The following ADAMTS6 variants were observed in gnomAD, a reference collection of about 807,000 sequenced individuals.
ADAMTS6 encodes the protein ADAM metallopeptidase with thrombospondin type 1 motif 6.
In ADAMTS6, 23 loss-of-function variants were observed where a neutral mutation model predicts 144.3. The observed-to-expected ratio is 0.16, with a 90% CI of 0.11 to 0.23. The LOEUF (loss-of-function observed/expected upper bound fraction) is 0.23, where lower values mean the gene tolerates loss of function less well. Ranked by LOEUF, ADAMTS6 falls within the 10% of genes least tolerant of loss-of-function variation. The pLI, the probability that ADAMTS6 is intolerant of heterozygous loss-of-function variation, is 1.00. For synonymous variants in ADAMTS6, 444 were observed against 457.5 expected (o/e 0.97, Z 0.38); for missense variants, 999 against 1,379.6 (o/e 0.72, Z 4.37).
In ADAMTS6 at chr5:65,275,420, G is replaced by C. The variant is rs900434560; in HGVS notation, c.1513-1973C>G. On this transcript the variant is annotated intron_variant, in intron 11 of 24. Coordinates refer to ENST00000381055, the MANE Select transcript of ADAMTS6 (RefSeq NM_197941.4). ...GAAAGAAAGAAAGAAAGAAAGAAAAGAAAGAAAGAAAGAAAAGAAAAAAGA... is the reference window on the plus strand; with the variant it reads ...GAAAGAAAGAAAGAAAGAAAGAAAACAAAGAAAGAAAGAAAAGAAAAAAGA... Among the ~76,000 whole-genome samples, 9 of 135,590 alleles carry C rather than the reference G, an allele frequency of 6.6e-5. No individual in the cohort carries two copies. In the East Asian group the frequency reaches 1.8e-3, roughly 27 times the overall value. The allele number at this position is 135,590 out of a possible 152,430, so 89.0% of individuals were successfully genotyped here. A position where few individuals can be genotyped will look rare whatever the true frequency, so the allele number is the denominator to read the frequency against.
At chr5:65,438,366 A>T (rs1208790302) in intron 7 of ADAMTS6, among the ~76,000 whole-genome samples, 1 of 152,050 alleles carries the variant, frequency 6.6e-6, no homozygotes, top group Non-Finnish European at 1.5e-5. Flanking sequence ...ATCTCTACTA[A>T]AAACACAAAA....
chr5:65,306,935 G>T (rs1232861239), intron 9 of ADAMTS6, among the ~76,000 whole-genome samples: 1 of 152,112 alleles, frequency 6.6e-6, no homozygotes, highest in Non-Finnish European at 1.5e-5. Flanking sequence ...AGTTAAATGT[G>T]TTTGACTGTA....
intron 7 of ADAMTS6, among the ~76,000 whole-genome samples, chr5:65,348,176 A>C (rs539383164): frequency 1.8e-4 from 27 of 152,094 alleles, no homozygotes; most frequent in Non-Finnish European, 3.1e-4. Context: ...GTACATATCC[A>C]AAGTCAGTAT....
chr5:65,303,668 A>T (rs543528890), intron 9 of ADAMTS6, among the ~76,000 whole-genome samples: 36 of 151,930 alleles, frequency 2.4e-4, no homozygotes, highest in African/African-American at 8.7e-4. Context: ...CTTTTAAAAT[A>T]TATTAGGATA....
Position 65,148,843 on chromosome 5 carries a change from T to C in ADAMTS6, c.*2993A>G, listed in dbSNP as rs1384449619. On this transcript the variant is annotated 3_prime_UTR_variant, in exon 25 of 25. Transcript: ENST00000381055. ...ATCAAGTGTTACAATGATTTTTTCA[T>C]TTTCATTACAAGCAGGAGAATGAAT... The C allele has an allele frequency of 6.6e-6, 1 of 152,596 alleles. No individual in the cohort carries two copies. The highest frequency in any genetic ancestry group is 1.5e-5 in the Non-Finnish European group (1 of 68,038). 9.5% of individuals were successfully genotyped at this position (152,596 alleles called of 1,614,324 possible). A position where few individuals can be genotyped will look rare whatever the true frequency, so the allele number is the denominator to read the frequency against.
chr5:65,180,038 C>T (rs1289573141), intron 22 of ADAMTS6, among the ~76,000 whole-genome samples: 1 of 151,962 alleles, frequency 6.6e-6, no homozygotes, highest in Non-Finnish European at 1.5e-5. Context: ...ATATGCTCTT[C>T]TTTATCTGGA....
At chr5:65,348,591 G>C (rs1748565509) in intron 7 of ADAMTS6, among the ~76,000 whole-genome samples, 1 of 152,072 alleles carries the variant, frequency 6.6e-6, no homozygotes, top group Non-Finnish European at 1.5e-5. Flanking sequence ...GCACAGCATG[G>C]AGACTATAGT....
intron 18 of ADAMTS6, among the ~76,000 whole-genome samples, 154 bp downstream of exon 18, chr5:65,224,166 C>T (rs1233786692): frequency 1.3e-5 from 2 of 152,128 alleles, no homozygotes; most frequent in Non-Finnish European, 2.9e-5. Context: ...TTCTCTTTAG[C>T]ATTGTATATG....
At chr5:65,354,431 A>G (rs1318898782) in intron 7 of ADAMTS6, among the ~76,000 whole-genome samples, 1 of 151,784 alleles carries the variant, frequency 6.6e-6, no homozygotes, top group African/African-American at 2.4e-5. Context: ...TACATTATCT[A>G]GATAGACTTA....
chr5:65,399,165 G>A (rs1753708328), intron 7 of ADAMTS6, among the ~76,000 whole-genome samples: 1 of 152,124 alleles, frequency 6.6e-6, no homozygotes, highest in Non-Finnish European at 1.5e-5. Flanking sequence ...GCTGAGGCAG[G>A]AGAATTGTTG....
At chr5:65,394,315 G>A (rs187157186) in intron 7 of ADAMTS6, among the ~76,000 whole-genome samples, 11 of 152,284 alleles carry the variant, frequency 7.2e-5, no homozygotes, top group African/African-American at 2.4e-4. Context: ...AAGATGCCCG[G>A]CCATCCCCCA....
chr5:65,177,611 T>C (rs1215212075), intron 22 of ADAMTS6, among the ~76,000 whole-genome samples: 1 of 152,208 alleles, frequency 6.6e-6, no homozygotes, highest in Non-Finnish European at 1.5e-5. Context: ...AGAGCAAGGA[T>C]GGACTGCCCC....
chr5:65,233,451 C>A (rs1580136398), intron 15 of ADAMTS6, among the ~76,000 whole-genome samples: 2 of 151,828 alleles, frequency 1.3e-5, no homozygotes, highest in Admixed American at 6.6e-5. Flanking sequence ...AAGGCTCCAC[C>A]AAAAAACTGT....
intron 24 of ADAMTS6, among the ~76,000 whole-genome samples, chr5:65,160,553 C>T (rs896865576): frequency 6.6e-6 from 1 of 152,104 alleles, no homozygotes; most frequent in African/African-American, 2.4e-5. Flanking sequence ...ATCTGCCCGC[C>T]TCGCCCTCCC....
At chr5:65,310,967 T>G (rs1486750515) in intron 9 of ADAMTS6, among the ~76,000 whole-genome samples, 2 of 151,990 alleles carry the variant, frequency 1.3e-5, no homozygotes, top group Non-Finnish European at 2.9e-5. Context: ...GCTCTTGAAG[T>G]AACTGATCAA....
intron 7 of ADAMTS6, among the ~76,000 whole-genome samples, chr5:65,409,872 T>C (rs1479999271): frequency 3.3e-5 from 5 of 152,166 alleles, no homozygotes; most frequent in Admixed American, 2.0e-4. Context: ...TAATCCATCA[T>C]ATAAACAGAA....
At chr5:65,365,940 T>G (rs1750269398) in intron 7 of ADAMTS6, among the ~76,000 whole-genome samples, 1 of 152,118 alleles carries the variant, frequency 6.6e-6, no homozygotes. Flanking sequence ...AGCATTTATT[T>G]CTATATAATC....
intron 13 of ADAMTS6, among the ~76,000 whole-genome samples, chr5:65,261,414 G>T (rs1761183034): frequency 6.6e-6 from 1 of 151,920 alleles, no homozygotes; most frequent in Admixed American, 6.6e-5. Context: ...TTTTAAAAGA[G>T]GTCCAGTTTT....
Position 65,255,867 on chromosome 5 carries a change from T to C in ADAMTS6, c.1830+4733A>G, listed in dbSNP as rs115653167. Among the ~76,000 whole-genome samples the C allele has an allele frequency of 5.5e-3, 834 of 152,282 alleles. 3 individuals are homozygous for C. Among genetic ancestry groups the C allele is most frequent in the African/African-American group, 0.019 (807 of 41,556 alleles). On this transcript the variant is annotated intron_variant, in intron 14 of 24. Coordinates refer to ENST00000381055, the MANE Select transcript of ADAMTS6 (RefSeq NM_197941.4). ...TGTATTTATTCATTTTTTAATTTAA[T>C]TTTAAAAATTTATTTATTTTGAGTC... is the stretch of plus-strand genomic sequence containing the variant.
Sources: gnomAD v4.1 joint callset for allele counts (sites outside exome capture counted in the v4.1 genomes callset) on GRCh38, gnomAD v4.1.1 for gene constraint, MANE v1.5 for transcripts, NCBI Gene and HGNC (gene_info 2026-07-23, HGNC 2026-07-21) for gene names.